RBM47: variants seen among roughly 807,000 people sequenced by gnomAD.
RBM47 encodes the protein RNA-binding protein 47.
Under a neutral mutation model 47.1 loss-of-function variants are expected in RBM47, and 21 were observed. That is an observed-to-expected ratio of 0.45 (90% CI 0.32 to 0.64). RBM47 has a LOEUF of 0.64. Ranked by LOEUF, RBM47 falls within the 30% of genes least tolerant of loss-of-function variation. The pLI, the probability that RBM47 is intolerant of heterozygous loss-of-function variation, is 0.05. For missense variants in RBM47, 708 were observed against 870.9 expected, an observed-to-expected ratio of 0.81 and a Z score of 2.35; for synonymous variants, 375 against 361.7, an observed-to-expected ratio of 1.04 and a Z score of -0.42.
At chr4:40,526,994 G>C (rs903215253) in intron 2 of RBM47, among the ~76,000 whole-genome samples, 1 of 151,942 alleles carries the variant, frequency 6.6e-6, no homozygotes, top group African/African-American at 2.4e-5. Context: ...TTTGACGAAG[G>C]CAACTACCTC....
At chr4:40,554,309 A>G (rs1459232136) in intron 1 of RBM47, among the ~76,000 whole-genome samples, 1 of 152,034 alleles carries the variant, frequency 6.6e-6, no homozygotes, top group Non-Finnish European at 1.5e-5. Context: ...ACCAGGCACA[A>G]CAGTAACATC....
rs9760613 is a variant in RBM47, at chr4:40,433,998, C to T, written c.1331-1136G>A. Among the ~76,000 whole-genome samples the T allele has an allele frequency of 4.3e-4, 18 of 42,072 alleles. 4 individuals are homozygous for T. The highest frequency in any genetic ancestry group is 1.3e-3 in the African/African-American group (14 of 10,424). 27.6% of individuals were successfully genotyped at this position (42,072 alleles called of 152,430 possible). Reference sequence around the variant, plus strand: ...TTTGTGTGAGTGTGTGTGTGTGGGGCGGGGGTGTGTGTGTGTGTGTGTGTG... The same window carrying T: ...TTTGTGTGAGTGTGTGTGTGTGGGGTGGGGGTGTGTGTGTGTGTGTGTGTG... On this transcript the variant is annotated intron_variant, in intron 5 of 6. Transcript: ENST00000295971.
At chr4:40,596,149 A>G (rs1350018648) in intron 1 of RBM47, among the ~76,000 whole-genome samples, 1 of 152,190 alleles carries the variant, frequency 6.6e-6, no homozygotes, top group East Asian at 1.9e-4. Flanking sequence ...CTATCCTTGG[A>G]GCTGTTCTTT....
At chr4:40,550,032 G>A (rs565493668) in intron 1 of RBM47, among the ~76,000 whole-genome samples, 23 of 152,176 alleles carry the variant, frequency 1.5e-4, no homozygotes, top group Non-Finnish European at 3.1e-4. Flanking sequence ...TGATTGTTCA[G>A]TTAATGACAG....
chr4:40,581,397 G>A (rs1358614709), intron 1 of RBM47, among the ~76,000 whole-genome samples: 1 of 150,150 alleles, frequency 6.7e-6, no homozygotes, highest in African/African-American at 2.5e-5. Flanking sequence ...TTCCAGCCTG[G>A]GTGACAGAGC....
At chr4:40,626,407 T>G (rs778896921) in intron 1 of RBM47, among the ~76,000 whole-genome samples, 9 of 152,186 alleles carry the variant, frequency 5.9e-5, no homozygotes, top group Admixed American at 1.3e-4. Flanking sequence ...CTAGGAACAT[T>G]TGAATTACAA....
chr4:40,488,423 T>C (rs778586021), intron 2 of RBM47, among the ~76,000 whole-genome samples: 15 of 152,174 alleles, frequency 9.9e-5, no homozygotes, highest in Non-Finnish European at 2.2e-4. Flanking sequence ...TTTTCATAAT[T>C]TATGGTACTT....
At position 40,628,239 on chromosome 4, in the gene RBM47, C is replaced by G. The variant is rs146674269; in HGVS notation, c.-240+1157G>C. Among the ~76,000 whole-genome samples, 93 of 152,244 alleles carry G rather than the reference C, an allele frequency of 6.1e-4. 1 individual carries two copies. Among genetic ancestry groups the G allele is most frequent in the African/African-American group, 2.2e-3 (90 of 41,544 alleles). On this transcript the variant is annotated intron_variant, in intron 1 of 6. Transcript: ENST00000295971. This position sits in a 1 kb window ranked among gnomAD's most constrained non-coding sequence, Gnocchi z 4.0. ...AAAAAAATATTAAAAACCAAACCAT[C>G]TCCTCCTTTCTTTTTTTCCTTCTGT... is the stretch of plus-strand genomic sequence containing the variant.
At chr4:40,457,067 C>A (rs1483855434) in intron 3 of RBM47, among the ~76,000 whole-genome samples, 1 of 151,916 alleles carries the variant, frequency 6.6e-6, no homozygotes, top group Admixed American at 6.6e-5. Context: ...TGTTTTATAT[C>A]CAAAACCAAA....
intron 2 of RBM47, among the ~76,000 whole-genome samples, chr4:40,486,721 A>G (rs1468741265): frequency 6.6e-6 from 1 of 152,232 alleles, no homozygotes; most frequent in African/African-American, 2.4e-5. Context: ...ACATGGATTG[A>G]GCAACCTTGA....
At chr4:40,521,315 CT>C (rs1354878487) in intron 2 of RBM47, among the ~76,000 whole-genome samples, 8 of 152,092 alleles carry the variant, frequency 5.3e-5, no homozygotes, top group Non-Finnish European at 5.9e-5. Context: ...ATTCTCCTGC[CT>C]CAGCCTCCCA....
At chr4:40,489,890 A>G (rs1042654945) in intron 2 of RBM47, among the ~76,000 whole-genome samples, 24 of 152,356 alleles carry the variant, frequency 1.6e-4, no homozygotes, top group African/African-American at 5.8e-4. Context: ...ATGCATATGG[A>G]CTTTTTAAAA....
chr4:40,545,357 C>T (rs1728930141), intron 1 of RBM47, among the ~76,000 whole-genome samples: 1 of 144,526 alleles, frequency 6.9e-6, no homozygotes, highest in African/African-American at 2.5e-5. Context: ...GGCCTGAGAT[C>T]CTGTCTTTAA....
chr4:40,556,076 C>T (rs183818557), intron 1 of RBM47, among the ~76,000 whole-genome samples: 271 of 150,968 alleles, frequency 1.8e-3, no homozygotes, highest in East Asian at 7.8e-4. Flanking sequence ...GGCTCTGTCG[C>T]GCAGGCTGGA....
At chr4:40,431,485 C>T (rs528215852) in intron 6 of RBM47, among the ~76,000 whole-genome samples, 24 of 152,076 alleles carry the variant, frequency 1.6e-4, no homozygotes, top group Non-Finnish European at 2.5e-4. Flanking sequence ...GGTGAAACCC[C>T]GTCTCTACTA....
At chr4:40,584,512 C>T (rs552746863) in intron 1 of RBM47, among the ~76,000 whole-genome samples, 1 of 152,238 alleles carries the variant, frequency 6.6e-6, no homozygotes, top group South Asian at 2.1e-4. Context: ...AAACATTGTC[C>T]TTTCAACATG....
chr4:40,614,300 T>A (rs921606922), intron 1 of RBM47, among the ~76,000 whole-genome samples: 2 of 151,862 alleles, frequency 1.3e-5, no homozygotes, highest in Non-Finnish European at 2.9e-5. Context: ...ACTTGAACCA[T>A]GAAAGTAAAA....
intron 1 of RBM47, among the ~76,000 whole-genome samples, chr4:40,562,436 AC>A (rs1398137932): frequency 1.4e-5 from 2 of 142,478 alleles, no homozygotes; most frequent in East Asian, 4.0e-4. Context: ...TACATTTTAG[AC>A]CCCTTCTCCT....
intron 2 of RBM47, among the ~76,000 whole-genome samples, chr4:40,536,049 C>G (rs891613279): frequency 6.6e-6 from 1 of 152,216 alleles, no homozygotes; most frequent in Non-Finnish European, 1.5e-5. Flanking sequence ...TGAGGTGTCA[C>G]TTGTATTTTG....
Sources: allele counts gnomAD v4.1 joint callset (sites outside exome capture counted in the v4.1 genomes callset), GRCh38; gene constraint gnomAD v4.1.1; non-coding constraint Gnocchi (gnomAD v3.1); transcripts MANE v1.5; gene names NCBI Gene and HGNC (gene_info 2026-07-23, HGNC 2026-07-21).